NDST4: variants seen among roughly 807,000 people sequenced by gnomAD.
NDST4 encodes the protein N-heparan sulfate sulfotransferase 4.
Under a neutral mutation model 100.8 loss-of-function variants are expected in NDST4, and 63 were observed. That is an observed-to-expected ratio of 0.62 (90% CI 0.51 to 0.77). The LOEUF is 0.77. NDST4 is among the 30% of genes least tolerant of loss of function. The pLI is 0.00. For synonymous variants in NDST4, 377 were observed against 361.8 expected (o/e 1.04, Z -0.48); for missense variants, 943 against 1,018.4 (o/e 0.93, Z 1.01).
chr4:114,888,584 C>A (rs920055890), intron 6 of NDST4, among the ~76,000 whole-genome samples: 1 of 152,152 alleles, frequency 6.6e-6, no homozygotes, highest in African/African-American at 2.4e-5. Context: ...CTTAGAGTAA[C>A]GCATCAGGCT....
intron 6 of NDST4, among the ~76,000 whole-genome samples, chr4:114,929,609 A>G (rs1246009712): frequency 6.6e-6 from 1 of 152,158 alleles, no homozygotes; most frequent in Non-Finnish European, 1.5e-5. Context: ...CTCTTTCACT[A>G]TCCTATTCTG....
chr4:114,945,347 AG>A (rs1725839341), intron 4 of NDST4, among the ~76,000 whole-genome samples: 1 of 152,002 alleles, frequency 6.6e-6, no homozygotes, highest in South Asian at 2.1e-4. Flanking sequence ...CAATATAAAG[AG>A]GGGTAAGAAC....
intron 6 of NDST4, among the ~76,000 whole-genome samples, chr4:114,893,183 C>A (rs1724636886): frequency 6.6e-6 from 1 of 151,990 alleles, no homozygotes; most frequent in Admixed American, 6.6e-5. Flanking sequence ...TTTGCTATTG[C>A]AAATAGTGCT....
intron 2 of NDST4, among the ~76,000 whole-genome samples, chr4:115,029,949 C>A (rs993237142): frequency 6.6e-6 from 1 of 152,016 alleles, no homozygotes; most frequent in African/African-American, 2.4e-5. Context: ...TTGTGATAAA[C>A]CAGGAATGAA....
At chr4:115,042,571 C>G (rs1728374102) in intron 2 of NDST4, among the ~76,000 whole-genome samples, 2 of 151,968 alleles carry the variant, frequency 1.3e-5, no homozygotes, top group African/African-American at 2.4e-5. Flanking sequence ...TTTGTTAAAA[C>G]CTTACCGTGT....
intron 2 of NDST4, among the ~76,000 whole-genome samples, chr4:115,039,143 A>T (rs1041444060): frequency 5.3e-5 from 8 of 152,174 alleles, no homozygotes; most frequent in Non-Finnish European, 1.0e-4. Context: ...ATGAGTGGGT[A>T]GGGCCAAACT....
chr4:115,020,197 T>C (rs1727779535), intron 2 of NDST4, among the ~76,000 whole-genome samples: 1 of 152,100 alleles, frequency 6.6e-6, no homozygotes, highest in Non-Finnish European at 1.5e-5. Flanking sequence ...ACTTCTTAGG[T>C]ATTACCTAAG....
Position 114,827,873 on chromosome 4 carries a change from G to A in NDST4, c.2562C>T (p.His854=), listed in dbSNP as rs182198243. Residue 854 remains histidine, a synonymous_variant, in exon 14 of 14, where the codon CAC becomes CAT. Coordinates refer to ENST00000264363, the MANE Select transcript of NDST4 (RefSeq NM_022569.3). ...DHNVELSKLL[H]RLGQPLPSWL... ...ACGATGGCAGAGGCTGTCCCAGTCT[G>A]TGTAGCAGTTTGGATAGTTCCACAT... 1.2e-6 allele frequency: 2 copies of A among 1,612,370 alleles called. No homozygotes were observed. The highest frequency in any genetic ancestry group is 1.3e-5 in the African/African-American group (1 of 74,762).
chr4:115,105,619 GA>G (rs1436354002), intron 1 of NDST4, among the ~76,000 whole-genome samples: 2 of 152,004 alleles, frequency 1.3e-5, no homozygotes, highest in Non-Finnish European at 2.9e-5. Context: ...AAAACAACAA[GA>G]AATCTTGGTA....
At chr4:114,928,041 C>A (rs75846591) in intron 6 of NDST4, among the ~76,000 whole-genome samples, 3 of 152,124 alleles carry the variant, frequency 2.0e-5, no homozygotes, top group African/African-American at 7.2e-5. Context: ...CATGGATCTT[C>A]CCTTTAAAAG....
intron 2 of NDST4, among the ~76,000 whole-genome samples, chr4:114,993,562 T>C (rs1357389903): frequency 6.6e-6 from 1 of 151,972 alleles, no homozygotes; most frequent in Non-Finnish European, 1.5e-5. Flanking sequence ...TTGGAGAATA[T>C]ATGTTTTCCT....
chr4:115,070,506 C>A (rs1404708178), intron 2 of NDST4, among the ~76,000 whole-genome samples: 2 of 151,970 alleles, frequency 1.3e-5, no homozygotes, highest in African/African-American at 2.4e-5. Context: ...AATATTTCAC[C>A]ATCTTTAAAA....
At chr4:115,026,674 C>T (rs1303532180) in intron 2 of NDST4, among the ~76,000 whole-genome samples, 1 of 136,052 alleles carries the variant, frequency 7.4e-6, no homozygotes, top group African/African-American at 2.8e-5. Flanking sequence ...CATCATTTTT[C>T]TTTTTTTGGC....
chr4:115,073,053 C>A (rs1729109069), intron 2 of NDST4, among the ~76,000 whole-genome samples: 1 of 151,686 alleles, frequency 6.6e-6, no homozygotes, highest in African/African-American at 2.4e-5. Context: ...CATAAATGAC[C>A]AATAGGTTTA....
intron 4 of NDST4, 135 bp downstream of exon 4, chr4:114,970,292 ACCC>A: frequency 4.5e-6 from 3 of 670,740 alleles, no homozygotes; most frequent in Non-Finnish European, 7.2e-6. Flanking sequence ...AGTTATATGT[ACCC>A]TCAATACATG....
intron 8 of NDST4, among the ~76,000 whole-genome samples, chr4:114,850,287 C>T (rs188498263): frequency 3.2e-4 from 49 of 152,208 alleles, no homozygotes; most frequent in African/African-American, 1.1e-3. Context: ...GTCACATAAT[C>T]GTACCCCGAT....
intron 6 of NDST4, among the ~76,000 whole-genome samples, chr4:114,903,119 C>T (rs893242886): frequency 9.2e-5 from 14 of 152,110 alleles, no homozygotes; most frequent in African/African-American, 3.1e-4. Flanking sequence ...TGTTTTCTGC[C>T]TTTTAGTATG....
chr4:115,005,154 G>A (rs894590223), intron 2 of NDST4, among the ~76,000 whole-genome samples: 1 of 152,092 alleles, frequency 6.6e-6, no homozygotes, highest in African/African-American at 2.4e-5. Flanking sequence ...TTCATTGTTT[G>A]CTAAATATTT....
chr4:114,981,067 G>T (rs1726759548), intron 2 of NDST4, among the ~76,000 whole-genome samples: 1 of 152,020 alleles, frequency 6.6e-6, no homozygotes, highest in African/African-American at 2.4e-5. Context: ...ACAAAAATTA[G>T]CCTGGCATGG....
Sources: allele counts gnomAD v4.1 joint callset (sites outside exome capture counted in the v4.1 genomes callset), GRCh38; gene constraint gnomAD v4.1.1; transcripts MANE v1.5; gene names NCBI Gene and HGNC (gene_info 2026-07-23, HGNC 2026-07-21).